SNRPD1: variants seen among roughly 807,000 people sequenced by gnomAD.
The protein encoded by SNRPD1 is small nuclear ribonucleoprotein D1 polypeptide, also known as small nuclear ribonucleoprotein Sm D1.
A neutral mutation model predicts 14.4 loss-of-function variants in SNRPD1; 1 was observed. That is an observed-to-expected ratio of 0.07 (90% CI 0.02 to 0.33). SNRPD1 has a LOEUF of 0.33. Ranked by LOEUF, SNRPD1 falls within the 10% of genes least tolerant of loss-of-function variation. SNRPD1 has a pLI of 1.00. For missense variants in SNRPD1, 52 were observed against 146.4 expected, an observed-to-expected ratio of 0.36 and a Z score of 3.33; for synonymous variants, 42 against 50.3, an observed-to-expected ratio of 0.83 and a Z score of 0.70.
rs1555676181 is a variant in SNRPD1 at position 21,632,855 on chromosome 18, C to CTTTTCT, written c.*3721_*3722insCTTTTT. 43 of 134,660 alleles carry CTTTTCT rather than the reference C, an allele frequency of 3.2e-4. No individual in the cohort carries two copies. The highest frequency in any genetic ancestry group is 8.7e-4 in the African/African-American group (27 of 30,870). 8.3% of individuals were successfully genotyped at this position (134,660 alleles called of 1,614,324 possible). A position where few individuals can be genotyped will look rare whatever the true frequency, so the allele number is the denominator to read the frequency against. On this transcript the variant is annotated 3_prime_UTR_variant, in exon 4 of 4. Transcript: ENST00000300413. The stretch of plus-strand genomic sequence containing the variant: ...CTTTTCTTTTCTTTTCTTTTCTTTT[C>CTTTTCT]TTTTTTTTTTTTTGAGACAGAGTCT...
rs2146265507 is a variant in SNRPD1, at chr18:21,633,356, C to A, written c.*4218C>A. ...ATATAACATTTAATAACATACAGTTCTTGTTCCTGAAGACTTAACCTAGAA... is the reference window on the plus strand; with the variant it reads ...ATATAACATTTAATAACATACAGTTATTGTTCCTGAAGACTTAACCTAGAA... On this transcript the variant is annotated 3_prime_UTR_variant, in exon 4 of 4. Transcript: ENST00000300413. 6.6e-6 allele frequency: 1 copy of A among 152,210 alleles called. No homozygotes were observed. Among genetic ancestry groups the A allele is most frequent in the East Asian group, 1.9e-4 (1 of 5,192 alleles). The allele number at this position is 152,210 out of a possible 1,614,324, so 9.4% of individuals were successfully genotyped here. A position where few individuals can be genotyped will look rare whatever the true frequency, so the allele number is the denominator to read the frequency against.
At chr18:21,622,874 G>C in intron 2 of SNRPD1, 73 bp downstream of exon 2, 1 of 710,784 alleles carries the variant, frequency 1.4e-6, no homozygotes, top group Admixed American at 2.4e-5. Flanking sequence ...TTTTTTTATT[G>C]CTTAATGAAC....
rs1482971442 is a variant in SNRPD1 at position 21,630,862 on chromosome 18, T to C, written c.*1724T>C. 1 of 148,730 alleles carries C rather than the reference T, an allele frequency of 6.7e-6. No individual in the cohort carries two copies. Among genetic ancestry groups the C allele is most frequent in the Non-Finnish European group, 1.5e-5 (1 of 67,398 alleles). The allele number at this position is 148,730 out of a possible 1,614,324, so 9.2% of individuals were successfully genotyped here. ...TAGATATATTAGTATACATGTAGAA[T>C]GTACCTGTCATATATATTAGATATA... is the stretch of plus-strand genomic sequence containing the variant. On this transcript the variant is annotated 3_prime_UTR_variant, in exon 4 of 4. Transcript: ENST00000300413.
rs56863125 is a variant in SNRPD1, at chr18:21,613,854, C to CAAAAAAAA, written c.14+1428_14+1435dup. ...TGGGCGACAGAGCGAGACTCCATCT[C>CAAAAAAAA]AAAAAAAAAAAAAAAAAAAAAAAAT... On this transcript the variant is annotated intron_variant, in intron 1 of 3. Transcript: ENST00000300413. Among the ~76,000 whole-genome samples, 5 of 58,666 alleles carry CAAAAAAAA rather than the reference C, an allele frequency of 8.5e-5. No individual in the cohort carries two copies. The Admixed American group carries it at 1.1e-3, about 13-fold the overall frequency. 38.5% of individuals were successfully genotyped at this position (58,666 alleles called of 152,430 possible).
At chr18:21,616,941 C>T (rs928691350) in intron 1 of SNRPD1, among the ~76,000 whole-genome samples, 1 of 151,920 alleles carries the variant, frequency 6.6e-6, no homozygotes, top group Admixed American at 6.6e-5. Flanking sequence ...CTGCCTTGGC[C>T]TCCCAAAGTG....
chr18:21,620,445 T>C (rs1458649448), intron 1 of SNRPD1, among the ~76,000 whole-genome samples: 1 of 152,090 alleles, frequency 6.6e-6, no homozygotes, highest in Non-Finnish European at 1.5e-5. Context: ...CTCTGCAAAA[T>C]TTTATAAAAA....
At chr18:21,623,309 T>G (rs1341314992) in intron 2 of SNRPD1, among the ~76,000 whole-genome samples, 1 of 152,196 alleles carries the variant, frequency 6.6e-6, no homozygotes, top group Non-Finnish European at 1.5e-5. Flanking sequence ...GCCAGGTTGG[T>G]CTCGAACTCC....
At chr18:21,616,148 G>T (rs560737785) in intron 1 of SNRPD1, among the ~76,000 whole-genome samples, 140 of 152,050 alleles carry the variant, frequency 9.2e-4, no homozygotes, top group African/African-American at 3.3e-3. Context: ...ACCACGCCCG[G>T]CTAATTTTTT....
chr18:21,612,350 C>G lies in SNRPD1; in HGVS notation c.-80C>G, dbSNP rs2038924277. On this transcript the variant is annotated 5_prime_UTR_variant, in exon 1 of 4. Transcript: ENST00000300413. ...GAGCCCCTGGAGTAGGCGCTTCCGGCCATTCATACTGCAGTCGGTCAGTGT... is the reference window on the plus strand; with the variant it reads ...GAGCCCCTGGAGTAGGCGCTTCCGGGCATTCATACTGCAGTCGGTCAGTGT... 1 of 1,128,840 alleles carries G rather than the reference C, an allele frequency of 8.9e-7. No homozygotes were observed. The highest frequency in any genetic ancestry group is 1.2e-6 in the Non-Finnish European group (1 of 807,264). The allele number at this position is 1,128,840 out of a possible 1,614,324, so 69.9% of individuals were successfully genotyped here.
At chr18:21,621,820 G>A (rs941248357) in intron 1 of SNRPD1, among the ~76,000 whole-genome samples, 3 of 152,146 alleles carry the variant, frequency 2.0e-5, no homozygotes, top group African/African-American at 4.8e-5. Flanking sequence ...CAGATGATCC[G>A]CCCTCCTCGG....
At chr18:21,624,667 G>A (rs2039022687) in intron 3 of SNRPD1, among the ~76,000 whole-genome samples, 1 of 149,106 alleles carries the variant, frequency 6.7e-6, no homozygotes, top group South Asian at 2.1e-4. Context: ...CTCCAGCCTG[G>A]GCTACAGAGT....
intron 1 of SNRPD1, among the ~76,000 whole-genome samples, chr18:21,617,409 A>G (rs540365352): frequency 2.4e-4 from 36 of 152,286 alleles, no homozygotes; most frequent in African/African-American, 8.4e-4. Context: ...GTATTGTTTC[A>G]TTGATCTATT....
intron 1 of SNRPD1, among the ~76,000 whole-genome samples, chr18:21,618,339 TTAAAA>T (rs2038972759): frequency 6.9e-6 from 1 of 144,614 alleles, no homozygotes. Context: ...AAACCTCTGT[TTAAAA>T]AAAAACACAA....
chr18:21,627,000 A>C (rs186541412), intron 3 of SNRPD1, among the ~76,000 whole-genome samples: 223 of 147,952 alleles, frequency 1.5e-3, no homozygotes, highest in Admixed American at 3.2e-3. Flanking sequence ...AAAAAAAAAG[A>C]AGCAGCAGCT....
chr18:21,615,173 C>T (rs190981393), intron 1 of SNRPD1, among the ~76,000 whole-genome samples: 14 of 152,248 alleles, frequency 9.2e-5, no homozygotes, highest in South Asian at 8.3e-4. Flanking sequence ...ATTTTGCCTG[C>T]GCTAGAATTT....
At chr18:21,616,827 A>G (rs1280728997) in intron 1 of SNRPD1, among the ~76,000 whole-genome samples, 2 of 151,714 alleles carry the variant, frequency 1.3e-5, no homozygotes, top group African/African-American at 2.4e-5. Flanking sequence ...CTGGGACTAC[A>G]GGCATGTGCC....
intron 1 of SNRPD1, among the ~76,000 whole-genome samples, chr18:21,618,213 A>T (rs2038971608): frequency 6.6e-6 from 1 of 152,056 alleles, no homozygotes; most frequent in Admixed American, 6.6e-5. Flanking sequence ...GCTTGAGCTC[A>T]GGAGTTTAAG....
intron 1 of SNRPD1, among the ~76,000 whole-genome samples, chr18:21,615,688 T>C (rs1343710399): frequency 6.6e-6 from 1 of 152,196 alleles, no homozygotes; most frequent in Non-Finnish European, 1.5e-5. Flanking sequence ...TAAAAAGTTA[T>C]GTATTTTGTT....
intron 1 of SNRPD1, among the ~76,000 whole-genome samples, chr18:21,614,487 A>G (rs1326598939): frequency 6.6e-6 from 1 of 152,114 alleles, no homozygotes; most frequent in Non-Finnish European, 1.5e-5. Flanking sequence ...TTACCAGAGA[A>G]TGTATTTTTC....
Sources: allele counts gnomAD v4.1 joint callset (sites outside exome capture counted in the v4.1 genomes callset), GRCh38; gene constraint gnomAD v4.1.1; transcripts MANE v1.5; gene names NCBI Gene and HGNC (gene_info 2026-07-23, HGNC 2026-07-21).